The following CBFA2T3 variants were observed in gnomAD, a reference collection of about 807,000 sequenced individuals.
The protein encoded by CBFA2T3 is CBFA2/RUNX1 partner transcriptional co-repressor 3.
Under a neutral mutation model 58.6 loss-of-function variants are expected in CBFA2T3, and 31 were observed. The ratio of observed to expected loss-of-function variants is 0.53; its 90% CI spans 0.40 to 0.71. The LOEUF (loss-of-function observed/expected upper bound fraction) is 0.71, where lower values mean the gene tolerates loss of function less well. Among genes scored for constraint, CBFA2T3 ranks in the 30% least tolerant of loss-of-function variants. The pLI, the probability that CBFA2T3 is intolerant of heterozygous loss-of-function variation, is 0.00. For missense variants in CBFA2T3, 1,076 were observed against 963.1 expected (o/e 1.12, Z -1.55); for synonymous variants, 531 against 421.9 (o/e 1.26, Z -3.17).
At chr16:88,941,296 G>T (rs1278247133) in intron 1 of CBFA2T3, 1 of 443,312 alleles carries the variant, frequency 2.3e-6, no homozygotes, top group Non-Finnish European at 3.0e-6. Flanking sequence ...GCCCGCGCCG[G>T]GTCCAGCCGC....
chr16:88,962,051 C>A (rs1382978461), intron 1 of CBFA2T3, among the ~76,000 whole-genome samples: 1 of 149,960 alleles, frequency 6.7e-6, no homozygotes, highest in African/African-American at 2.4e-5. Context: ...CCATAGTAAC[C>A]AACCCTCAGG....
Position 88,876,587 on chromosome 16 carries a change from T to G in CBFA2T3, c.*389A>C, listed in dbSNP as rs533644510. ...TTGAAGAGAAAGTGTGTGATAGTCA[T>G]AGAGAGAGAGAGGATAGAGAAGACA... is the stretch of plus-strand genomic sequence containing the variant. On this transcript the variant is annotated 3_prime_UTR_variant, in exon 12 of 12. Transcript: ENST00000268679. 8.7e-4 allele frequency: 228 copies of G among 261,326 alleles called. No individual in the cohort carries two copies. Among genetic ancestry groups the G allele is most frequent in the Non-Finnish European group, 1.1e-3 (157 of 138,012 alleles). 16.2% of individuals were successfully genotyped at this position (261,326 alleles called of 1,614,324 possible). A position where few individuals can be genotyped will look rare whatever the true frequency, so the allele number is the denominator to read the frequency against.
intron 5 of CBFA2T3, among the ~76,000 whole-genome samples, chr16:88,888,532 G>GGGT (rs1321361604): frequency 9.6e-3 from 1 of 104 alleles, no homozygotes; most frequent in Non-Finnish European, 0.025. Flanking sequence ...GGTGTGGGTG[G>GGGT]GGGAGGGGTG....
intron 1 of CBFA2T3, among the ~76,000 whole-genome samples, chr16:88,959,318 G>C (rs889593808): frequency 6.6e-6 from 1 of 152,242 alleles, no homozygotes; most frequent in African/African-American, 2.4e-5. Flanking sequence ...GGAGCAGAGG[G>C]GTCTCCTTGC....
chr16:88,976,195 T>C (rs544892694), intron 1 of CBFA2T3, among the ~76,000 whole-genome samples: 1 of 152,308 alleles, frequency 6.6e-6, no homozygotes, highest in South Asian at 2.1e-4. Flanking sequence ...GTTGGGTCCA[T>C]TTCCTCCTCA....
rs775920497 is a variant in CBFA2T3 at position 88,892,436 on chromosome 16, G to A, written c.429C>T (p.Cys143=). The part of the protein sequence containing the change: ...HSPTAINGAP[C]TPNGFSNGPA... ...GGCCATTGCTGAAGCCGTTGGGTGT[G>A]CACGGTGCACCATTGATGGCTGTTG... The change falls in exon 4 of 12, where the codon TGC becomes TGT. Residue 143 remains cysteine (C), a synonymous_variant. Transcript: ENST00000268679. 1.2e-6 allele frequency: 2 copies of A among 1,613,360 alleles called. No homozygotes were observed. Among genetic ancestry groups the A allele is most frequent in the Non-Finnish European group, 1.7e-6 (2 of 1,179,926 alleles).
chr16:88,883,915 G>A (rs896498045), intron 7 of CBFA2T3: 2 of 152,276 alleles, frequency 1.3e-5, no homozygotes, highest in East Asian at 3.8e-4. Flanking sequence ...CTGGGGCTGA[G>A]GTCTCCCTCT....
chr16:88,965,647 C>A (rs143320048), intron 1 of CBFA2T3, among the ~76,000 whole-genome samples: 1 of 152,200 alleles, frequency 6.6e-6, no homozygotes, highest in African/African-American at 2.4e-5. Flanking sequence ...TTGCGGGGTG[C>A]AGCTGTCACC....
rs1192150184 is a variant in CBFA2T3 at position 88,881,274 on chromosome 16, C to G, written c.1402+17G>C. The G allele has an allele frequency of 6.3e-7, 1 of 1,594,748 alleles. No homozygotes were observed. Among genetic ancestry groups the G allele is most frequent in the Non-Finnish European group, 8.5e-7 (1 of 1,172,380 alleles). On this transcript the variant is annotated intron_variant, in intron 9 of 11. Coordinates refer to ENST00000268679, the MANE Select transcript of CBFA2T3 (RefSeq NM_005187.6). ...AGCACCCCGTGTCTGCTCCCTCCCCCCACACCCCACACGCACCTAGCTGAG... is the reference window on the plus strand; with the variant it reads ...AGCACCCCGTGTCTGCTCCCTCCCCGCACACCCCACACGCACCTAGCTGAG...
At chr16:88,894,245 T>C (rs1345265049) in intron 3 of CBFA2T3, among the ~76,000 whole-genome samples, 5 of 45,214 alleles carry the variant, frequency 1.1e-4, no homozygotes, top group African/African-American at 3.5e-4. Flanking sequence ...CATGCATACA[T>C]ATACACATGC....
At chr16:88,891,087 T>C (rs1969611415) in intron 5 of CBFA2T3, among the ~76,000 whole-genome samples, 1 of 152,086 alleles carries the variant, frequency 6.6e-6, no homozygotes, top group African/African-American at 2.4e-5. Context: ...GGTGTGACCA[T>C]CTGACCTGCT....
chr16:88,898,536 C>G (rs1435918281), intron 2 of CBFA2T3, among the ~76,000 whole-genome samples: 1 of 152,194 alleles, frequency 6.6e-6, no homozygotes, highest in African/African-American at 2.4e-5. Context: ...TTACAAGAAC[C>G]GCGGCTTCTC....
At chr16:88,966,611 G>T (rs61233390) in intron 1 of CBFA2T3, among the ~76,000 whole-genome samples, 40,111 of 152,100 alleles carry the variant, frequency 0.26, 6,309 homozygotes, top group East Asian at 0.73. Context: ...GCCTCCCTTG[G>T]AGGCCGGCCC....
chr16:88,940,527 C>A (rs1441559094), intron 1 of CBFA2T3, among the ~76,000 whole-genome samples: 1 of 152,242 alleles, frequency 6.6e-6, no homozygotes, highest in African/African-American at 2.4e-5. Context: ...CCCCAGGGAC[C>A]GCATGCCAGG....
chr16:88,877,298 G>C (rs1472455271), intron 11 of CBFA2T3, 23 bp from the exon 12 acceptor site: 2 of 1,530,138 alleles, frequency 1.3e-6, no homozygotes, highest in South Asian at 2.4e-5. Context: ...AGAGGGGCCA[G>C]TCAGGGCTGG....
At position 88,953,566 on chromosome 16, in the gene CBFA2T3, G is replaced by A. The variant is rs776946543; in HGVS notation, c.151+23091C>T. ...GTGGGGATCAGGATCTGGCAGGATC[G>A]GAATGTAGAGGCCTGGGGGCTCCCG... On this transcript the variant is annotated intron_variant, in intron 1 of 11. Transcript: ENST00000268679. The surrounding 1 kb of genome is among the most constrained non-coding windows in gnomAD (Gnocchi z 4.9). Among the ~76,000 whole-genome samples, 1 of 152,168 alleles carries A rather than the reference G, an allele frequency of 6.6e-6. No individual in the cohort carries two copies. The highest frequency in any genetic ancestry group is 1.5e-5 in the Non-Finnish European group (1 of 68,022).
At chr16:88,972,150 T>C (rs912051657) in intron 1 of CBFA2T3, among the ~76,000 whole-genome samples, 1 of 147,414 alleles carries the variant, frequency 6.8e-6, no homozygotes, top group African/African-American at 2.5e-5. Context: ...TGGGCTGGTA[T>C]GGGGAAGGAG....
rs778099426 is a variant in CBFA2T3 at position 88,898,073 on chromosome 16, C to T, written c.379+5G>A. The T allele has an allele frequency of 3.1e-6, 5 of 1,609,716 alleles. No individual in the cohort carries two copies. The highest frequency in any genetic ancestry group is 1.3e-5 in the African/African-American group (1 of 74,988). On this transcript the variant is annotated splice_donor_5th_base_variant and intron_variant, in intron 3 of 11. Transcript: ENST00000268679. ...GAGGCCTGCGGTTTTTGTTATTTTA[C>T]TTACAGAGACAGACCATAGACCATT...
intron 1 of CBFA2T3, among the ~76,000 whole-genome samples, chr16:88,972,532 T>C (rs182747382): frequency 0.01 from 1,536 of 152,280 alleles, 18 homozygotes; most frequent in Admixed American, 0.02. Flanking sequence ...CCTGTCCCCT[T>C]GCGATGCTGC....
Sources: gnomAD v4.1 joint callset for allele counts (sites outside exome capture counted in the v4.1 genomes callset) on GRCh38, gnomAD v4.1.1 for gene constraint, Gnocchi (gnomAD v3.1) non-coding constraint, MANE v1.5 for transcripts, NCBI Gene and HGNC (gene_info 2026-07-23, HGNC 2026-07-21) for gene names.